GNAS: variants seen among roughly 807,000 people sequenced by gnomAD.
GNAS encodes the protein protein ALEX.
A neutral mutation model predicts 54.5 loss-of-function variants in GNAS; 8 were observed. The ratio of observed to expected loss-of-function variants is 0.15; its 90% CI spans 0.09 to 0.26. The LOEUF (loss-of-function observed/expected upper bound fraction) is 0.26, where lower values mean the gene tolerates loss of function less well. Among genes scored for constraint, GNAS ranks in the 10% least tolerant of loss-of-function variants. The pLI is 1.00. For missense variants in GNAS, 170 were observed against 529.8 expected, an observed-to-expected ratio of 0.32 and a Z score of 6.67; for synonymous variants, 204 against 191.4, an observed-to-expected ratio of 1.07 and a Z score of -0.54.
At chr20:58,845,284 A>G (rs2085902903) in intron 1 of GNAS, among the ~76,000 whole-genome samples, 1 of 152,242 alleles carries the variant, frequency 6.6e-6, no homozygotes, top group Non-Finnish European at 1.5e-5. Flanking sequence ...TATAGAAGCT[A>G]CAGCTATTTG....
At chr20:58,843,097 T>A (rs1157827228) in intron 1 of GNAS, among the ~76,000 whole-genome samples, 1 of 152,092 alleles carries the variant, frequency 6.6e-6, no homozygotes, top group Non-Finnish European at 1.5e-5. Flanking sequence ...ACACTGTCTT[T>A]CAGACAGTCT....
intron 1 of GNAS, chr20:58,851,014 A>AG: frequency 2.5e-6 from 1 of 397,920 alleles, no homozygotes; most frequent in Non-Finnish European, 4.4e-6. Flanking sequence ...CTGGGGTCGG[A>AG]GGGGAGTGAG....
chr20:58,863,746 CT>C lies in GNAS; in HGVS notation c.43+22861del, dbSNP rs1419801094. On this transcript the variant is annotated intron_variant, in intron 1 of 12. Coordinates refer to the GNAS transcript ENST00000306090. The surrounding 1 kb of genome is among the most constrained non-coding windows in gnomAD (Gnocchi z 4.1). ...ATTTATCTGGCTCTTGCCTCTCCCC[CT>C]CCATCAAAAGACCACACTATCTCTC... is the stretch of plus-strand genomic sequence containing the variant. 6.6e-6 allele frequency: 1 copy of C among 152,622 alleles called. No individual in the cohort carries two copies. Among genetic ancestry groups the C allele is most frequent in the Non-Finnish European group, 1.5e-5 (1 of 68,034 alleles). The allele number at this position is 152,622 out of a possible 1,614,324, so 9.5% of individuals were successfully genotyped here. A position where few individuals can be genotyped will look rare whatever the true frequency, so the allele number is the denominator to read the frequency against.
rs2085731837 is a variant in GNAS, at chr20:58,841,619, C to G, written c.43+733C>G. ...CAAAGAGCGTGCGCACCTGCCCGCGCGCGCCGGAGCTGACCTCTCCCGGCG... is the reference window on the plus strand; with the variant it reads ...CAAAGAGCGTGCGCACCTGCCCGCGGGCGCCGGAGCTGACCTCTCCCGGCG... On this transcript the variant is annotated intron_variant, in intron 1 of 12. Transcript: ENST00000306090. The surrounding 1 kb of genome is among the most constrained non-coding windows in gnomAD (Gnocchi z 5.0). The G allele has an allele frequency of 1.9e-6, 2 of 1,056,170 alleles. No individual in the cohort carries two copies. The highest frequency in any genetic ancestry group is 3.3e-5 in the African/African-American group (2 of 60,042). The allele number at this position is 1,056,170 out of a possible 1,614,324, so 65.4% of individuals were successfully genotyped here. A position where few individuals can be genotyped will look rare whatever the true frequency, so the allele number is the denominator to read the frequency against.
At chr20:58,891,398 G>A (rs1292287343), upstream of GNAS, 1 of 245,678 alleles carries the variant, frequency 4.1e-6, no homozygotes, top group Non-Finnish European at 6.3e-6. Flanking sequence ...GGCAATAAGA[G>A]CGGCGGCGGC....
chr20:58,883,592 G>C (rs560534887), intron 1 of GNAS, among the ~76,000 whole-genome samples: 1 of 152,314 alleles, frequency 6.6e-6, no homozygotes, highest in African/African-American at 2.4e-5. Flanking sequence ...GAAAGACACA[G>C]TGCCATCTGG....
chr20:58,840,513 A>T, upstream of GNAS: 1 of 1,613,496 alleles, frequency 6.2e-7, no homozygotes, highest in East Asian at 2.2e-5. The surrounding 1 kb of genome is among the most constrained non-coding windows in gnomAD (Gnocchi z 6.0). Context: ...CCCACCACTG[A>T]GCCCGAGACC....
At chr20:58,883,121 G>A (rs989267156) in intron 1 of GNAS, 4 of 152,118 alleles carry the variant, frequency 2.6e-5, no homozygotes, top group Admixed American at 2.6e-4. Flanking sequence ...CTGTCCTGCC[G>A]ATAGCTGAGC....
intron 1 of GNAS, chr20:58,854,054 G>T (rs768075776): frequency 6.2e-7 from 1 of 1,610,968 alleles, no homozygotes; most frequent in South Asian, 1.1e-5. Flanking sequence ...CCTCGAGTGC[G>T]GTCCGCCTCA....
intron 1 of GNAS, chr20:58,876,892 C>G (rs2087858500): frequency 3.9e-5 from 6 of 152,540 alleles, no homozygotes; most frequent in Admixed American, 3.3e-4. Context: ...AATGGCCTCA[C>G]CAGCACCTCG....
chr20:58,857,227 C>T lies in GNAS; in HGVS notation c.43+16341C>T, dbSNP rs530413633. ...AACTGTGCTATTGTGATGTGGCTCT[C>T]ACAAATCACAATTTTAAATGTGAGG... On this transcript the variant is annotated intron_variant, in intron 1 of 12. Transcript: ENST00000306090. This position sits in a 1 kb window ranked among gnomAD's most constrained non-coding sequence, Gnocchi z 4.1. The T allele has an allele frequency of 1.1e-4, 16 of 152,256 alleles. No individual in the cohort carries two copies. Among genetic ancestry groups the T allele is most frequent in the Middle Eastern group, 3.4e-3 (1 of 292 alleles). 9.4% of individuals were successfully genotyped at this position (152,256 alleles called of 1,614,324 possible). A position where few individuals can be genotyped will look rare whatever the true frequency, so the allele number is the denominator to read the frequency against.
intron 1 of GNAS, chr20:58,881,772 A>T (rs2088238229): frequency 6.6e-6 from 1 of 152,158 alleles, no homozygotes; most frequent in Admixed American, 6.5e-5. Context: ...CAGAGTTTTT[A>T]TTTCTTGGTG....
intron 1 of GNAS, among the ~76,000 whole-genome samples, chr20:58,871,380 C>T (rs547146589): frequency 6.6e-6 from 1 of 151,990 alleles, no homozygotes; most frequent in African/African-American, 2.4e-5. Context: ...TTTGGGAGGC[C>T]GAGGTGGGCA....
chr20:58,892,660 A>T (rs1428009053), intron 1 of GNAS, among the ~76,000 whole-genome samples: 3 of 151,978 alleles, frequency 2.0e-5, no homozygotes, highest in African/African-American at 7.3e-5. Flanking sequence ...CGCGGAGCAG[A>T]CGTGTCCCGG....
chr20:58,908,836 T>A, intron 6 of GNAS: 1 of 367,618 alleles, frequency 2.7e-6, no homozygotes, highest in East Asian at 5.4e-5. Context: ...AAAATAAAAA[T>A]AAACACGAAG....
intron 1 of GNAS, among the ~76,000 whole-genome samples, chr20:58,894,106 T>C (rs573118791): frequency 2.0e-5 from 3 of 152,344 alleles, no homozygotes; most frequent in South Asian, 4.1e-4. Flanking sequence ...CTCTTTTTAC[T>C]CCATCTTAAT....
At chr20:58,894,583 G>A (rs944423400) in intron 1 of GNAS, among the ~76,000 whole-genome samples, 2 of 152,152 alleles carry the variant, frequency 1.3e-5, no homozygotes, top group Non-Finnish European at 2.9e-5. Context: ...ATTATCTGTT[G>A]GAGAATGTGC....
Position 58,910,945 on chromosome 20 carries a change from C to A in GNAS, c.*116C>A. The A allele has an allele frequency of 9.5e-7, 1 of 1,051,862 alleles. No homozygotes were observed. Among genetic ancestry groups the A allele is most frequent in the Non-Finnish European group, 1.4e-6 (1 of 692,942 alleles). The allele number at this position is 1,051,862 out of a possible 1,614,324, so 65.2% of individuals were successfully genotyped here. A position where few individuals can be genotyped will look rare whatever the true frequency, so the allele number is the denominator to read the frequency against. ...GCATGATTAACAAAGCAACCTTTCC[C>A]TTCCCCCGAGTGATTTTGCGAAACC... On this transcript the variant is annotated 3_prime_UTR_variant, in exon 13 of 13. Coordinates refer to ENST00000371085, the MANE Select transcript of GNAS (RefSeq NM_000516.7). This position sits in a 1 kb window ranked among gnomAD's most constrained non-coding sequence, Gnocchi z 5.8.
intron 1 of GNAS, among the ~76,000 whole-genome samples, chr20:58,847,800 A>G (rs1214818208): frequency 6.6e-6 from 1 of 152,160 alleles, no homozygotes; most frequent in Non-Finnish European, 1.5e-5. Flanking sequence ...GGCTACAGGG[A>G]TAAACCCAGA....
Sources: gnomAD v4.1 joint callset for allele counts (sites outside exome capture counted in the v4.1 genomes callset) on GRCh38, gnomAD v4.1.1 for gene constraint, Gnocchi (gnomAD v3.1) non-coding constraint, MANE v1.5 for transcripts, NCBI Gene and HGNC (gene_info 2026-07-23, HGNC 2026-07-21) for gene names.